Variants in SI observed in about 807,000 individuals in gnomAD.
SI encodes the protein sucrase-isomaltase, intestinal.
SI carries 235 observed loss-of-function variants against 253.3 expected under a neutral mutation model. The observed-to-expected ratio is 0.93, with a 90% confidence interval of 0.83 to 1.03. The LOEUF (loss-of-function observed/expected upper bound fraction) is 1.03. Among genes scored for constraint, SI ranks in the 50% least tolerant of loss-of-function variants. The pLI, the probability that SI is intolerant of heterozygous loss-of-function variation, is 0.00. For missense variants in SI, 2,442 were observed against 2,211.1 expected, an observed-to-expected ratio of 1.10 and a Z score of -2.09; for synonymous variants, 819 against 712.0, an observed-to-expected ratio of 1.15 and a Z score of -2.39.
At chr3:165,051,562 C>T (rs777664855) in intron 13 of SI, among the ~76,000 whole-genome samples, 23 of 151,964 alleles carry the variant, frequency 1.5e-4, no homozygotes, top group Non-Finnish European at 2.1e-4. Context: ...TTCATGATTC[C>T]GCCAATAACA....
chr3:165,065,003 A>C (rs1714166518), intron 7 of SI, among the ~76,000 whole-genome samples: 1 of 151,984 alleles, frequency 6.6e-6, no homozygotes, highest in African/African-American at 2.4e-5. Flanking sequence ...GGAATAATAA[A>C]ATACGATCAT....
chr3:165,083,610 CA>C, the SI span, among the ~76,000 whole-genome samples: 2 of 151,944 alleles, frequency 1.3e-5, no homozygotes, highest in East Asian at 3.9e-4. Flanking sequence ...TAGCTTGTTT[CA>C]TACTCATTTA....
intron 38 of SI, among the ~76,000 whole-genome samples, chr3:164,997,422 A>C (rs1381751723): frequency 6.7e-6 from 1 of 149,806 alleles, no homozygotes; most frequent in Non-Finnish European, 1.5e-5. Context: ...ATTTCTTTCC[A>C]AATTTGGTTC....
intron 24 of SI, among the ~76,000 whole-genome samples, chr3:165,031,894 G>A (rs192239881): frequency 2.6e-5 from 4 of 151,108 alleles, no homozygotes; most frequent in South Asian, 2.1e-4. Flanking sequence ...GATTTAATGC[G>A]TTTAGAAGCA....
At chr3:165,081,664 T>G (rs1715328177), upstream of SI, among the ~76,000 whole-genome samples, 1 of 152,018 alleles carries the variant, frequency 6.6e-6, no homozygotes, top group African/African-American at 2.4e-5. Flanking sequence ...ATGTTCTGCT[T>G]CTTTTAGAGG....
intron 34 of SI, among the ~76,000 whole-genome samples, chr3:165,011,692 GTTA>G (rs1718774427): frequency 6.7e-6 from 1 of 148,796 alleles, no homozygotes; most frequent in South Asian, 2.1e-4. Context: ...ATTTATTATT[GTTA>G]TTATTTATTT....
the SI span, among the ~76,000 whole-genome samples, chr3:165,087,956 C>T: frequency 1.3e-5 from 2 of 152,008 alleles, no homozygotes; most frequent in Non-Finnish European, 1.5e-5. Context: ...AATGCTAACC[C>T]GTGCTTATTT....
chr3:165,010,166 G>GTT (rs1335710432), intron 34 of SI, among the ~76,000 whole-genome samples: 2 of 148,054 alleles, frequency 1.4e-5, no homozygotes, highest in African/African-American at 5.0e-5. Flanking sequence ...GATGGATTTT[G>GTT]TTTTTTTTTT....
At chr3:164,994,528 A>T in intron 40 of SI, 123 bp from the exon 41 acceptor site, 1 of 955,978 alleles carries the variant, frequency 1.0e-6, no homozygotes, top group Admixed American at 2.0e-5. Context: ...TGTGCTATGT[A>T]CTTTCTTCCC....
At position 165,017,923 on chromosome 3, in the gene SI, GA is replaced by G. The variant is rs1719120165; in HGVS notation, c.3520+46del. 3 of 1,583,916 alleles carry G rather than the reference GA, an allele frequency of 1.9e-6. No homozygotes were observed. The South Asian group carries it at 3.3e-5, about 18-fold the overall frequency. On this transcript the variant is annotated intron_variant, in intron 29 of 47. Transcript: ENST00000264382. ...TTTTCATCTATGTATACTAGTTTATGAAAAAGTCACATAAAATAAGAGACAT... is the reference window on the plus strand; with the variant it reads ...TTTTCATCTATGTATACTAGTTTATGAAAAGTCACATAAAATAAGAGACAT...
At chr3:165,008,132 A>C in intron 35 of SI, 134 bp from the exon 36 acceptor site, 1 of 503,442 alleles carries the variant, frequency 2.0e-6, no homozygotes, top group Non-Finnish European at 3.6e-6. Context: ...CTAAACAAAC[A>C]AAATTGTAAA....
chr3:164,979,833 G>T (rs1337738570), intron 47 of SI, among the ~76,000 whole-genome samples: 1 of 151,704 alleles, frequency 6.6e-6, no homozygotes, highest in Admixed American at 6.6e-5. Context: ...AGATTTAAAA[G>T]TGTTATTTTA....
intron 3 of SI, among the ~76,000 whole-genome samples, chr3:165,070,273 A>AT (rs1714482358): frequency 7.2e-6 from 1 of 138,778 alleles, no homozygotes; most frequent in African/African-American, 2.6e-5. Flanking sequence ...AAATATACAT[A>AT]TATGATTATA....
chr3:165,028,518 C>G (rs1377262828), intron 25 of SI, among the ~76,000 whole-genome samples: 1 of 151,460 alleles, frequency 6.6e-6, no homozygotes, highest in Non-Finnish European at 1.5e-5. Context: ...CTGGAGGCAT[C>G]ATATTACTTA....
At position 165,063,400 on chromosome 3, in the gene SI, A is replaced by T. The variant is rs745834267; in HGVS notation, c.907+42T>A. The T allele has an allele frequency of 4.4e-6, 4 of 917,776 alleles. No individual in the cohort carries two copies. The African/African-American group carries it at 6.6e-5, about 15-fold the overall frequency. The allele number at this position is 917,776 out of a possible 1,614,324, so 56.9% of individuals were successfully genotyped here. ...ATAAAGAGAGCAGTTAAAACATTTCAAGTGAAATCTATAAATATATTATCA... is the reference window on the plus strand; with the variant it reads ...ATAAAGAGAGCAGTTAAAACATTTCTAGTGAAATCTATAAATATATTATCA... On this transcript the variant is annotated intron_variant, in intron 8 of 47. Transcript: ENST00000264382.
rs959072631 is a variant in SI, at chr3:165,021,324, G to A, written c.3159C>T (p.Thr1053=). The part of the protein sequence containing the change: ...EVPVPLNIPT[T]PISTYEDRLY... ...GTCTGTCTTCATAAGTACTTATTGG[G>A]GTGGTTGGAATGTTTAACGGTACTG... The change falls in exon 27 of 48, where the codon ACC becomes ACT. Residue 1053 remains threonine, a synonymous_variant. Coordinates refer to ENST00000264382, the MANE Select transcript of SI (RefSeq NM_001041.4). 1 of 1,610,730 alleles carries A rather than the reference G, an allele frequency of 6.2e-7. No homozygotes were observed. Among genetic ancestry groups the A allele is most frequent in the Non-Finnish European group, 8.5e-7 (1 of 1,177,506 alleles).
Position 165,059,175 on chromosome 3 carries a change from A to G in SI, c.1271T>C (p.Ile424Thr). ...DLHDHGQKYVIILDPAISIGR... is the reference protein window; with the variant it reads ...DLHDHGQKYVTILDPAISIGR... ...GGTATAATTGATTATTACCAAGATG[A>G]TGACATATTTCTGTCCATGGTCATG... is the stretch of plus-strand genomic sequence containing the variant. The change falls in exon 11 of 48, where the codon ATC becomes ACC. Residue 424 changes from isoleucine to threonine, a missense_variant. By Grantham distance (89) the Ile-to-Thr change is moderately conservative (BLOSUM62 -1). Transcript: ENST00000264382. The G allele has an allele frequency of 1.2e-6, 2 of 1,612,662 alleles. No homozygotes were observed. Among genetic ancestry groups the G allele is most frequent in the African/African-American group, 1.3e-5 (1 of 74,992 alleles).
intron 17 of SI, among the ~76,000 whole-genome samples, chr3:165,042,606 C>A (rs1712897487): frequency 6.6e-6 from 1 of 152,042 alleles, no homozygotes; most frequent in Non-Finnish European, 1.5e-5. Context: ...TTGAAAGACG[C>A]TGGACTCTAA....
intron 1 of SI, among the ~76,000 whole-genome samples, chr3:165,077,457 AACTT>A (rs1439432394): frequency 5.9e-5 from 9 of 151,750 alleles, no homozygotes; most frequent in African/African-American, 2.2e-4. Context: ...AGTAAGCAAA[AACTT>A]AATTTTTTAG....
Sources: allele counts gnomAD v4.1 joint callset (sites outside exome capture counted in the v4.1 genomes callset), GRCh38; gene constraint gnomAD v4.1.1; transcripts MANE v1.5; gene names NCBI Gene and HGNC (gene_info 2026-07-23, HGNC 2026-07-21).